Variants in SAMD12 observed in about 807,000 individuals in gnomAD.
SAMD12 encodes the protein sterile alpha motif domain-containing protein 12.
A neutral mutation model predicts 15.0 loss-of-function variants in SAMD12; 9 were observed. That is an observed-to-expected ratio of 0.60 (90% CI 0.36 to 1.05). The LOEUF is 1.05. Among genes scored for constraint, SAMD12 ranks in the 50% least tolerant of loss-of-function variants. SAMD12 has a pLI of 0.01. For missense variants in SAMD12, 230 were observed against 234.2 expected, an observed-to-expected ratio of 0.98 and a Z score of 0.12; for synonymous variants, 86 against 90.1, an observed-to-expected ratio of 0.96 and a Z score of 0.25.
intron 4 of SAMD12, among the ~76,000 whole-genome samples, chr8:118,359,036 T>C (rs1322371244): frequency 1.3e-5 from 2 of 152,092 alleles, no homozygotes; most frequent in Admixed American, 6.6e-5. Context: ...TATATATATA[T>C]ATGTGTGTAT....
At chr8:118,274,492 T>C (rs1042847929) in intron 4 of SAMD12, among the ~76,000 whole-genome samples, 2 of 152,082 alleles carry the variant, frequency 1.3e-5, no homozygotes, top group East Asian at 1.9e-4. Context: ...CTAAGAACAA[T>C]AAATGCCTGT....
chr8:118,303,179 C>T (rs1359562058), intron 4 of SAMD12, among the ~76,000 whole-genome samples: 1 of 152,196 alleles, frequency 6.6e-6, no homozygotes, highest in African/African-American at 2.4e-5. Flanking sequence ...GTGTGCATTT[C>T]CTGGACTTGA....
In SAMD12 at chr8:118,240,714, A is replaced by G. The variant is rs560669063; in HGVS notation, c.434-42982T>C. On this transcript the variant is annotated intron_variant, in intron 4 of 4. Transcript: ENST00000409003. ...AATATTTAAAATACTGATTCTTCTTAAAGTGCCGACTACAAGCGTTGCTCA... is the reference window on the plus strand; with the variant it reads ...AATATTTAAAATACTGATTCTTCTTGAAGTGCCGACTACAAGCGTTGCTCA... Among the ~76,000 whole-genome samples the G allele has an allele frequency of 3.0e-4, 46 of 152,150 alleles. 1 individual carries two copies. The South Asian group carries it at 7.9e-3, about 26-fold the overall frequency.
intron 3 of SAMD12, among the ~76,000 whole-genome samples, chr8:118,391,355 T>C (rs2130754514): frequency 6.6e-6 from 1 of 152,356 alleles, no homozygotes; most frequent in South Asian, 2.1e-4. Context: ...GTACTTTTAT[T>C]TGTCTGCATT....
chr8:118,300,767 C>A (rs1444369315), intron 4 of SAMD12, among the ~76,000 whole-genome samples: 1 of 152,162 alleles, frequency 6.6e-6, no homozygotes, highest in Non-Finnish European at 1.5e-5. Context: ...TCTTTCACAT[C>A]TTTTTTGTTA....
At chr8:118,490,583 A>G (rs370937209) in intron 2 of SAMD12, among the ~76,000 whole-genome samples, 1 of 152,316 alleles carries the variant, frequency 6.6e-6, no homozygotes, top group Non-Finnish European at 1.5e-5. Flanking sequence ...ATCCAAAGGT[A>G]ATTTTCTCTT....
At chr8:118,215,537 A>C (rs971389035) in intron 4 of SAMD12, among the ~76,000 whole-genome samples, 1 of 152,008 alleles carries the variant, frequency 6.6e-6, no homozygotes, top group Non-Finnish European at 1.5e-5. Context: ...ATATGTATAC[A>C]TGTGCCATGG....
chr8:118,560,399 C>T (rs1364655717), intron 2 of SAMD12, among the ~76,000 whole-genome samples: 6 of 152,122 alleles, frequency 3.9e-5, no homozygotes, highest in African/African-American at 1.2e-4. Flanking sequence ...TCTGAGAGTA[C>T]GAATGACTTC....
chr8:118,602,638 AT>A (rs2131301094), intron 1 of SAMD12, among the ~76,000 whole-genome samples: 1 of 152,324 alleles, frequency 6.6e-6, no homozygotes, highest in East Asian at 1.9e-4. Context: ...TATCTGGGTA[AT>A]TAACCAGCCT....
intron 2 of SAMD12, among the ~76,000 whole-genome samples, chr8:118,470,138 G>A (rs1037895133): frequency 6.6e-6 from 1 of 151,972 alleles, no homozygotes; most frequent in African/African-American, 2.4e-5. Context: ...CCAAGATATA[G>A]TGTGAGAAAA....
intron 1 of SAMD12, among the ~76,000 whole-genome samples, chr8:118,610,050 T>C (rs1210579361): frequency 6.6e-6 from 1 of 152,222 alleles, no homozygotes; most frequent in Non-Finnish European, 1.5e-5. Context: ...GTGTTGAGCT[T>C]ATAGCAAGTG....
At chr8:118,549,272 G>T (rs2131173883) in intron 2 of SAMD12, among the ~76,000 whole-genome samples, 1 of 152,302 alleles carries the variant, frequency 6.6e-6, no homozygotes, top group South Asian at 2.1e-4. Context: ...TAACTGGGAG[G>T]CACCCCCCAA....
chr8:118,269,268 G>A lies in SAMD12; in HGVS notation c.434-71536C>T, dbSNP rs1319663074. On this transcript the variant is annotated intron_variant, in intron 4 of 4. Transcript: ENST00000409003. Reference sequence around the variant, plus strand: ...TGTGTGTGTGTGTGTGTGTAAGCAGGAAACAAATGTAGAAGTGTGCATTCG... The same window carrying A: ...TGTGTGTGTGTGTGTGTGTAAGCAGAAAACAAATGTAGAAGTGTGCATTCG... 1.4e-5 allele frequency among the ~76,000 whole-genome samples: 2 copies of A among 145,254 alleles called. 1 individual carries two copies. Among genetic ancestry groups the A allele is most frequent in the African/African-American group, 5.1e-5 (2 of 39,002 alleles).
At chr8:118,212,806 C>T (rs186856728) in intron 4 of SAMD12, among the ~76,000 whole-genome samples, 13 of 152,274 alleles carry the variant, frequency 8.5e-5, no homozygotes, top group East Asian at 7.7e-4. Flanking sequence ...CCACTTCAGA[C>T]GTGCATCACT....
intron 3 of SAMD12, among the ~76,000 whole-genome samples, chr8:118,407,965 C>A (rs1248703282): frequency 6.6e-6 from 1 of 152,130 alleles, no homozygotes; most frequent in Non-Finnish European, 1.5e-5. Flanking sequence ...ACTTCGTTCT[C>A]ACTGTGAATG....
intron 4 of SAMD12, among the ~76,000 whole-genome samples, chr8:118,291,791 T>C (rs1224597609): frequency 6.6e-6 from 1 of 151,268 alleles, no homozygotes; most frequent in Non-Finnish European, 1.5e-5. Flanking sequence ...CCTGTTGCCC[T>C]GATACCTCCT....
chr8:118,175,024 C>CAAAA, the SAMD12 span, among the ~76,000 whole-genome samples: 1 of 63,530 alleles, frequency 1.6e-5, no homozygotes, highest in Non-Finnish European at 4.4e-5. Context: ...AGCAGTAAAG[C>CAAAA]AAAAAAAAAC....
At chr8:118,269,924 CTA>C (rs1434014349) in intron 4 of SAMD12, among the ~76,000 whole-genome samples, 1 of 152,164 alleles carries the variant, frequency 6.6e-6, no homozygotes, top group Admixed American at 6.6e-5. Context: ...ATCATCACTA[CTA>C]TAGTCATATC....
chr8:118,132,972 GTATATATATATATATATATATATATA>G, the SAMD12 span, among the ~76,000 whole-genome samples: 3,776 of 48,350 alleles, frequency 0.078, 296 homozygotes, highest in South Asian at 0.18. Flanking sequence ...GTGTGTGTGT[GTATATATATATATATATATATATATA>G]TATATATATA....
Sources: gnomAD v4.1 joint callset for allele counts (sites outside exome capture counted in the v4.1 genomes callset) on GRCh38, gnomAD v4.1.1 for gene constraint, MANE v1.5 for transcripts, NCBI Gene and HGNC (gene_info 2026-07-23, HGNC 2026-07-21) for gene names.